Variants in EGFR observed in about 807,000 individuals in gnomAD.
EGFR encodes epidermal growth factor receptor.
Under a neutral mutation model 143.0 loss-of-function variants are expected in EGFR, and 58 were observed. That is an observed-to-expected ratio of 0.41 (90% CI 0.33 to 0.50). The LOEUF (loss-of-function observed/expected upper bound fraction) is 0.50, where lower values mean the gene tolerates loss of function less well. Ranked by LOEUF, EGFR falls within the 20% of genes least tolerant of loss-of-function variation. The probability of loss-of-function intolerance (pLI) is 0.39; values close to 1 mark genes in which losing one functional copy is unlikely to be tolerated. For synonymous variants in EGFR, 613 were observed against 594.4 expected (o/e 1.03, Z -0.45); for missense variants, 1,307 against 1,579.0 (o/e 0.83, Z 2.92).
At chr7:55,186,104 G>A (rs1033041961) in intron 20 of EGFR, among the ~76,000 whole-genome samples, 5 of 152,178 alleles carry the variant, frequency 3.3e-5, no homozygotes, top group African/African-American at 4.8e-5. Context: ...GGCCACTCAG[G>A]CCTATTCCTA....
chr7:55,054,736 G>C (rs577219631), intron 1 of EGFR, among the ~76,000 whole-genome samples: 1 of 152,274 alleles, frequency 6.6e-6, no homozygotes, highest in South Asian at 2.1e-4. Flanking sequence ...GGGCAGCACC[G>C]TGCCTCCGTT....
intron 1 of EGFR, among the ~76,000 whole-genome samples, chr7:55,066,273 T>A (rs1005632174): frequency 6.6e-6 from 1 of 152,242 alleles, no homozygotes; most frequent in African/African-American, 2.4e-5. Context: ...AATACCGTGG[T>A]CATAATAGTG....
intron 1 of EGFR, among the ~76,000 whole-genome samples, chr7:55,082,945 C>G (rs1184340103): frequency 6.6e-6 from 1 of 152,150 alleles, no homozygotes; most frequent in Admixed American, 6.5e-5. Context: ...ATGCAAAACT[C>G]CGATCTCCAC....
intron 1 of EGFR, among the ~76,000 whole-genome samples, chr7:55,085,565 G>A (rs1790707456): frequency 6.6e-6 from 1 of 152,162 alleles, no homozygotes; most frequent in Non-Finnish European, 1.5e-5. Context: ...AAAGCACATG[G>A]GTGGTGCTTC....
intron 19 of EGFR, 119 bp from the exon 20 acceptor site, chr7:55,181,174 T>C (rs1312277823): frequency 2.4e-6 from 3 of 1,230,418 alleles, no homozygotes; most frequent in Non-Finnish European, 2.4e-6. Flanking sequence ...TTTTCCTCCA[T>C]GAGTACGTAT....
At chr7:55,161,442 C>G in intron 12 of EGFR, 57 bp from the exon 13 acceptor site, 1 of 1,580,796 alleles carries the variant, frequency 6.3e-7, no homozygotes, top group Non-Finnish European at 8.6e-7. Flanking sequence ...CCGTCTCCTC[C>G]GGCCCCTCGG....
At chr7:55,169,677 G>A (rs773342915) in intron 15 of EGFR, among the ~76,000 whole-genome samples, 46 of 151,994 alleles carry the variant, frequency 3.0e-4, no homozygotes, top group Non-Finnish European at 4.0e-4. Flanking sequence ...CAGAGTTACC[G>A]AGGGCCTCAT....
chr7:55,181,492 G>T lies in EGFR; in HGVS notation c.2469+14G>T, dbSNP rs1786875002. The stretch of plus-strand genomic sequence containing the variant: ...CAGATCGCAAAGGTAATCAGGGAAG[G>T]GAGATACGGGGAGGGGAGATAAGGA... On this transcript the variant is annotated intron_variant, in intron 20 of 27. Coordinates refer to ENST00000275493, the MANE Select transcript of EGFR (RefSeq NM_005228.5). The T allele has an allele frequency of 4.3e-6, 7 of 1,614,204 alleles. No individual in the cohort carries two copies. The highest frequency in any genetic ancestry group is 5.9e-6 in the Non-Finnish European group (7 of 1,180,026).
rs200328444 is a variant in EGFR, at chr7:55,090,099, G to A, written c.89-52187G>A. 5.3e-4 allele frequency among the ~76,000 whole-genome samples: 80 copies of A among 152,164 alleles called. No individual in the cohort carries two copies. In the East Asian group the frequency reaches 0.015, roughly 28 times the overall value. ...TTCTCCTGCCTCAGCCTCCTCAGTAGCTGAGATTACAGGCACGTGCCACCA... is the reference window on the plus strand; with the variant it reads ...TTCTCCTGCCTCAGCCTCCTCAGTAACTGAGATTACAGGCACGTGCCACCA... On this transcript the variant is annotated intron_variant, in intron 1 of 27. Coordinates refer to ENST00000275493, the MANE Select transcript of EGFR (RefSeq NM_005228.5).
rs773069229 is a variant in EGFR at position 55,019,284 on chromosome 7, C to T, written c.7C>T (p.Pro3Ser). The part of the protein sequence containing the change: MR[P>S]SGTAGAALLA... ...AGCTCTTCGGGGAGCAGCGATGCGA[C>T]CCTCCGGGACGGCCGGGGCAGCGCT... Residue 3 changes from proline (P) to serine (S), a missense_variant, in exon 1 of 28, where the codon CCC (proline) becomes TCC (serine). Transcript: ENST00000275493. The T allele has an allele frequency of 2.7e-6, 4 of 1,504,142 alleles. No individual in the cohort carries two copies. The highest frequency in any genetic ancestry group is 3.6e-6 in the Non-Finnish European group (4 of 1,121,308). 93.2% of individuals were successfully genotyped at this position (1,504,142 alleles called of 1,614,324 possible). A position where few individuals can be genotyped will look rare whatever the true frequency, so the allele number is the denominator to read the frequency against.
intron 1 of EGFR, among the ~76,000 whole-genome samples, chr7:55,089,309 C>G (rs1299653909): frequency 6.6e-6 from 1 of 152,194 alleles, no homozygotes; most frequent in Non-Finnish European, 1.5e-5. Flanking sequence ...ACACTGGGCA[C>G]TGTTCATACG....
intron 1 of EGFR, among the ~76,000 whole-genome samples, chr7:55,100,686 C>T (rs955613108): frequency 2.6e-5 from 4 of 152,326 alleles, no homozygotes; most frequent in Admixed American, 6.5e-5. Context: ...CATCTCCACA[C>T]GCCGTCCTTG....
chr7:55,205,988 C>T lies in EGFR; in HGVS notation c.*371C>T. 2.5e-6 allele frequency: 1 copy of T among 394,106 alleles called. No individual in the cohort carries two copies. The highest frequency in any genetic ancestry group is 4.7e-6 in the Non-Finnish European group (1 of 214,328). 24.4% of individuals were successfully genotyped at this position (394,106 alleles called of 1,614,324 possible). A position where few individuals can be genotyped will look rare whatever the true frequency, so the allele number is the denominator to read the frequency against. The stretch of plus-strand genomic sequence containing the variant: ...CTATTGATTTTTACTTCAATGGGCT[C>T]TTCCAACAAGGAAGAAGCTTGCTGG... On this transcript the variant is annotated 3_prime_UTR_variant, in exon 28 of 28. Transcript: ENST00000275493.
chr7:55,123,351 G>A (rs189917059), intron 1 of EGFR, among the ~76,000 whole-genome samples: 55 of 152,272 alleles, frequency 3.6e-4, no homozygotes, highest in South Asian at 1.2e-3. Context: ...AAATTAATTT[G>A]CAAATTTTAT....
chr7:55,035,976 G>T (rs1787542174), intron 1 of EGFR, among the ~76,000 whole-genome samples: 1 of 151,564 alleles, frequency 6.6e-6, no homozygotes, highest in African/African-American at 2.4e-5. Context: ...TAAGCCAAAA[G>T]CCCACTATTT....
intron 1 of EGFR, among the ~76,000 whole-genome samples, chr7:55,062,859 G>A (rs57700725): frequency 0.017 from 2,627 of 152,106 alleles, 68 homozygotes; most frequent in African/African-American, 0.06. Flanking sequence ...CTGCTCATAC[G>A]AGATGAATCT....
chr7:55,175,791 G>A (rs17337156), intron 19 of EGFR, among the ~76,000 whole-genome samples: 41 of 152,180 alleles, frequency 2.7e-4, no homozygotes, highest in African/African-American at 8.7e-4. Context: ...GAGAACATGG[G>A]CCTTTATAAA....
chr7:55,146,390 A>T (rs921061962), intron 3 of EGFR, among the ~76,000 whole-genome samples: 2 of 152,144 alleles, frequency 1.3e-5, no homozygotes, highest in Non-Finnish European at 2.9e-5. Flanking sequence ...ATCATTGCTC[A>T]AAGCCCAATT....
Position 55,080,952 on chromosome 7 carries a change from G to A in EGFR, c.89-61334G>A, listed in dbSNP as rs916716451. 3.9e-5 allele frequency among the ~76,000 whole-genome samples: 6 copies of A among 152,154 alleles called. No individual in the cohort carries two copies. In the South Asian group the frequency reaches 1.0e-3, roughly 26 times the overall value. On this transcript the variant is annotated intron_variant, in intron 1 of 27. Transcript: ENST00000275493. ...AGTGACACTAGCCATTTATCAGGAC[G>A]TATGGGTGCCAGTCAGGATGATAAA...
Sources: allele counts gnomAD v4.1 joint callset (sites outside exome capture counted in the v4.1 genomes callset), GRCh38; gene constraint gnomAD v4.1.1; transcripts MANE v1.5; gene names NCBI Gene and HGNC (gene_info 2026-07-23, HGNC 2026-07-21).